NRG3: variants seen among roughly 807,000 people sequenced by gnomAD.
NRG3 encodes neuregulin 3.
In NRG3, 31 loss-of-function variants were observed where a neutral mutation model predicts 66.9. The observed-to-expected ratio is 0.46, with a 90% confidence interval of 0.35 to 0.63. The LOEUF (loss-of-function observed/expected upper bound fraction) is 0.63, where lower values mean the gene tolerates loss of function less well. Among genes scored for constraint, NRG3 ranks in the 20% least tolerant of loss-of-function variants. NRG3 has a pLI of 0.00. For missense variants in NRG3, 910 were observed against 878.9 expected (o/e 1.04, Z -0.45); for synonymous variants, 393 against 359.4 (o/e 1.09, Z -1.06).
intron 1 of NRG3, among the ~76,000 whole-genome samples, chr10:82,098,230 C>T (rs984455222): frequency 6.6e-6 from 1 of 151,132 alleles, no homozygotes; most frequent in Non-Finnish European, 1.5e-5. Flanking sequence ...CATACACAGA[C>T]ATATAGATGT....
intron 6 of NRG3, among the ~76,000 whole-genome samples, chr10:82,961,415 T>G (rs1850627907): frequency 6.6e-6 from 1 of 152,220 alleles, no homozygotes; most frequent in South Asian, 2.1e-4. Flanking sequence ...TCTCATTTAG[T>G]TCTAACAATT....
intron 1 of NRG3, among the ~76,000 whole-genome samples, chr10:82,294,136 C>T (rs1031764601): frequency 2.0e-4 from 30 of 152,150 alleles, no homozygotes; most frequent in African/African-American, 6.3e-4. Flanking sequence ...CAATTAGGCC[C>T]TGGACATGCA....
intron 1 of NRG3, among the ~76,000 whole-genome samples, chr10:81,916,542 T>G (rs1310421577): frequency 1.3e-5 from 2 of 152,098 alleles, no homozygotes; most frequent in African/African-American, 4.8e-5. Context: ...TTGTGTAGCA[T>G]CAGGAAGAGC....
Position 82,985,508 on chromosome 10 carries a change from C to T in NRG3, c.1994C>T (p.Thr665Ile). 2 of 1,614,080 alleles carry T rather than the reference C, an allele frequency of 1.2e-6. No individual in the cohort carries two copies. The highest frequency in any genetic ancestry group is 1.1e-5 in the South Asian group (1 of 91,076). The change falls in exon 9 of 9, where the codon ACA becomes ATA. Residue 665 changes from threonine to isoleucine, a missense_variant. By Grantham distance (89) the Thr-to-Ile change is moderately conservative (BLOSUM62 -1). Transcript: ENST00000372141. ...ACCGAGGACAGTGCAAGCGAAAACA[C>T]AGCCTTTCTCCCCCTGAGTCCCACA... ...VETEDSASEN[T>I]AFLPLSPTAK...
At chr10:82,026,105 A>G (rs2062292751) in intron 1 of NRG3, among the ~76,000 whole-genome samples, 2 of 152,010 alleles carry the variant, frequency 1.3e-5, no homozygotes, top group Admixed American at 1.3e-4. Flanking sequence ...GGAGTCTTTT[A>G]GAGCAATTTT....
intron 3 of NRG3, among the ~76,000 whole-genome samples, chr10:82,847,424 T>C (rs1157691975): frequency 2.0e-5 from 3 of 152,228 alleles, no homozygotes; most frequent in African/African-American, 7.2e-5. Flanking sequence ...TTAATTGTTT[T>C]ACAAATTACA....
chr10:82,906,992 G>A (rs1354125617), intron 4 of NRG3, among the ~76,000 whole-genome samples: 2 of 152,122 alleles, frequency 1.3e-5, no homozygotes, highest in Non-Finnish European at 2.9e-5. Flanking sequence ...AAGTTGAATG[G>A]GTCCTTACAT....
intron 2 of NRG3, among the ~76,000 whole-genome samples, chr10:82,412,033 C>A (rs2088131958): frequency 6.6e-6 from 1 of 152,020 alleles, no homozygotes; most frequent in Non-Finnish European, 1.5e-5. Flanking sequence ...GTATAATTCT[C>A]TGGAGTGGCA....
chr10:82,272,258 G>A (rs975507991), intron 1 of NRG3, among the ~76,000 whole-genome samples: 1 of 151,980 alleles, frequency 6.6e-6, no homozygotes, highest in South Asian at 2.1e-4. Context: ...TCTAAGCAGC[G>A]AGAAAAGCAA....
chr10:82,205,879 A>T (rs1056773970), intron 1 of NRG3, among the ~76,000 whole-genome samples: 3 of 152,188 alleles, frequency 2.0e-5, no homozygotes, highest in Non-Finnish European at 4.4e-5. Flanking sequence ...TGTTAGGATC[A>T]CATTTCATTT....
chr10:82,236,107 C>T (rs932067188), intron 1 of NRG3, among the ~76,000 whole-genome samples: 4 of 152,124 alleles, frequency 2.6e-5, no homozygotes, highest in African/African-American at 7.2e-5. Context: ...GGACACTGTA[C>T]TTTTACAGTC....
intron 2 of NRG3, among the ~76,000 whole-genome samples, chr10:82,604,275 A>C (rs1412150594): frequency 6.6e-6 from 1 of 152,112 alleles, no homozygotes; most frequent in African/African-American, 2.4e-5. Context: ...CCAGAATGTC[A>C]TACAGTTGGA....
chr10:82,278,695 CTTTG>C (rs2078979107), intron 1 of NRG3, among the ~76,000 whole-genome samples: 2 of 152,026 alleles, frequency 1.3e-5, no homozygotes, highest in Non-Finnish European at 2.9e-5. Flanking sequence ...GTGTTTTGTT[CTTTG>C]TTCTGGTCCT....
chr10:82,042,895 G>A (rs756530584), intron 1 of NRG3, among the ~76,000 whole-genome samples: 3 of 152,036 alleles, frequency 2.0e-5, no homozygotes, highest in African/African-American at 4.8e-5. Flanking sequence ...TAATAATTAT[G>A]TAGTAGGATG....
chr10:82,661,151 T>C (rs917167108), intron 2 of NRG3, among the ~76,000 whole-genome samples: 1 of 152,180 alleles, frequency 6.6e-6, no homozygotes, highest in Admixed American at 6.5e-5. Context: ...TTCCCTCGTC[T>C]GACAATTACT....
At chr10:82,395,639 T>TC (rs1359908395) in intron 2 of NRG3, among the ~76,000 whole-genome samples, 1 of 152,138 alleles carries the variant, frequency 6.6e-6, no homozygotes, top group African/African-American at 2.4e-5. Flanking sequence ...CATTCATCCA[T>TC]CCATCTATCC....
chr10:82,292,378 C>T (rs1269871543), intron 1 of NRG3, among the ~76,000 whole-genome samples: 3 of 152,076 alleles, frequency 2.0e-5, no homozygotes, highest in African/African-American at 7.2e-5. Flanking sequence ...TGAAACATGG[C>T]TGGTGGAAAT....
intron 3 of NRG3, among the ~76,000 whole-genome samples, chr10:82,818,351 A>T (rs2061802847): frequency 6.6e-6 from 1 of 152,128 alleles, no homozygotes; most frequent in African/African-American, 2.4e-5. Context: ...CAAGTCTCCT[A>T]CTTCAGGAGG....
chr10:82,272,232 T>G (rs1246650993), intron 1 of NRG3, among the ~76,000 whole-genome samples: 1 of 151,786 alleles, frequency 6.6e-6, no homozygotes, highest in Non-Finnish European at 1.5e-5. Context: ...AAGAAAAAAA[T>G]GTGAATTCTG....
Sources: gnomAD v4.1 joint callset for allele counts (sites outside exome capture counted in the v4.1 genomes callset) on GRCh38, gnomAD v4.1.1 for gene constraint, MANE v1.5 for transcripts, NCBI Gene and HGNC (gene_info 2026-07-23, HGNC 2026-07-21) for gene names.